Variants in F2R observed in about 807,000 individuals in gnomAD.
F2R encodes coagulation factor II thrombin receptor.
F2R carries 12 observed loss-of-function variants against 18.3 expected under a neutral mutation model. The observed-to-expected ratio is 0.66, with a 90% confidence interval of 0.42 to 1.06. The LOEUF is 1.06. Ranked by LOEUF, F2R falls within the 50% of genes least tolerant of loss-of-function variation. The pLI is 0.00. For synonymous variants in F2R, 210 were observed against 219.9 expected, an observed-to-expected ratio of 0.95 and a Z score of 0.40; for missense variants, 438 against 530.8, an observed-to-expected ratio of 0.83 and a Z score of 1.72.
intron 1 of F2R, among the ~76,000 whole-genome samples, chr5:76,727,230 A>G (rs1748576925): frequency 6.6e-6 from 1 of 152,242 alleles, no homozygotes; most frequent in African/African-American, 2.4e-5. Context: ...TATGGTTTCC[A>G]AAGTGAATGT....
chr5:76,730,372 T>A (rs1213518239), intron 1 of F2R, among the ~76,000 whole-genome samples: 2 of 152,348 alleles, frequency 1.3e-5, no homozygotes, highest in Non-Finnish European at 2.9e-5. Context: ...CCCTGAACTC[T>A]GTCCTCTGGT....
chr5:76,718,818 G>A (rs1748389175), intron 1 of F2R, among the ~76,000 whole-genome samples: 2 of 152,176 alleles, frequency 1.3e-5, no homozygotes, highest in South Asian at 2.1e-4. Context: ...GGCTCTAGAG[G>A]GTTAAAGTGT....
At chr5:76,726,536 CAA>C (rs1285539395) in intron 1 of F2R, among the ~76,000 whole-genome samples, 11 of 123,438 alleles carry the variant, frequency 8.9e-5, no homozygotes, top group Admixed American at 1.7e-4. Context: ...GACTCTGTCT[CAA>C]AAAAAAAAAA....
At chr5:76,728,106 A>T (rs1404538559) in intron 1 of F2R, among the ~76,000 whole-genome samples, 1 of 152,116 alleles carries the variant, frequency 6.6e-6, no homozygotes, top group South Asian at 2.1e-4. Context: ...AGTGTATAAC[A>T]TAATGTTTTG....
intron 1 of F2R, among the ~76,000 whole-genome samples, chr5:76,728,721 C>T (rs992837490): frequency 1.0e-4 from 12 of 114,342 alleles, no homozygotes; most frequent in African/African-American, 3.3e-4. Context: ...GATGGGGTCT[C>T]GCTCTGTCGG....
chr5:76,726,253 C>T (rs1184079192), intron 1 of F2R, among the ~76,000 whole-genome samples: 4 of 151,934 alleles, frequency 2.6e-5, no homozygotes, highest in Non-Finnish European at 2.9e-5. Flanking sequence ...GCTGGGCAGC[C>T]GGGCGCGGTG....
chr5:76,721,433 G>T (rs1561627419), intron 1 of F2R, among the ~76,000 whole-genome samples: 1 of 152,120 alleles, frequency 6.6e-6, no homozygotes, highest in Non-Finnish European at 1.5e-5. Flanking sequence ...GTGGTACTTG[G>T]AGGAAGCCAC....
intron 1 of F2R, among the ~76,000 whole-genome samples, chr5:76,722,749 G>A (rs943830047): frequency 6.6e-6 from 1 of 152,084 alleles, no homozygotes; most frequent in Non-Finnish European, 1.5e-5. Flanking sequence ...TCAGGAGTTG[G>A]AGACCAGCTT....
chr5:76,725,356 A>G (rs956210292), intron 1 of F2R, among the ~76,000 whole-genome samples: 1 of 152,224 alleles, frequency 6.6e-6, no homozygotes, highest in Non-Finnish European at 1.5e-5. Context: ...ATTAAGTGAA[A>G]CTTAGCAAAT....
intron 1 of F2R, among the ~76,000 whole-genome samples, chr5:76,725,939 T>G (rs1748545183): frequency 6.6e-6 from 1 of 152,196 alleles, no homozygotes; most frequent in Non-Finnish European, 1.5e-5. Context: ...AGAGCTTAGT[T>G]GTATTTATTA....
chr5:76,729,516 C>T (rs577808655), intron 1 of F2R, among the ~76,000 whole-genome samples: 2 of 152,180 alleles, frequency 1.3e-5, no homozygotes, highest in Admixed American at 1.3e-4. Flanking sequence ...TGATACAGTC[C>T]CAGTTGTCTA....
chr5:76,716,241 G>T lies in F2R; in HGVS notation c.-67G>T. 1 of 1,244,046 alleles carries T rather than the reference G, an allele frequency of 8.0e-7. No individual in the cohort carries two copies. The highest frequency in any genetic ancestry group is 1.0e-6 in the Non-Finnish European group (1 of 969,670). 77.1% of individuals were successfully genotyped at this position (1,244,046 alleles called of 1,614,324 possible). A position where few individuals can be genotyped will look rare whatever the true frequency, so the allele number is the denominator to read the frequency against. On this transcript the variant is annotated 5_prime_UTR_variant, in exon 1 of 2. Transcript: ENST00000319211. ...TCCCCGACCCGCAGAAGTCAGGAGAGAGGGTGAAGCGGAGCAGCCCGAGGC... is the reference window on the plus strand; with the variant it reads ...TCCCCGACCCGCAGAAGTCAGGAGATAGGGTGAAGCGGAGCAGCCCGAGGC...
Position 76,733,787 on chromosome 5 carries a change from G to A in F2R, c.*284G>A. The A allele has an allele frequency of 2.5e-6, 1 of 399,732 alleles. No homozygotes were observed. The allele number at this position is 399,732 out of a possible 1,614,324, so 24.8% of individuals were successfully genotyped here. On this transcript the variant is annotated 3_prime_UTR_variant, in exon 2 of 2. Coordinates refer to ENST00000319211, the MANE Select transcript of F2R (RefSeq NM_001992.5). ...CTAGGTGACATATACATACTTACATGTGTGTATATGTAGATGTATGCACAC... is the reference window on the plus strand; with the variant it reads ...CTAGGTGACATATACATACTTACATATGTGTATATGTAGATGTATGCACAC...
At chr5:76,721,342 A>G (rs1202631318) in intron 1 of F2R, among the ~76,000 whole-genome samples, 2 of 152,144 alleles carry the variant, frequency 1.3e-5, no homozygotes, top group East Asian at 3.8e-4. Flanking sequence ...CGTCATAAAT[A>G]GCTCTGTCTA....
At chr5:76,723,988 T>C (rs773102238) in intron 1 of F2R, among the ~76,000 whole-genome samples, 2 of 152,224 alleles carry the variant, frequency 1.3e-5, no homozygotes, top group African/African-American at 2.4e-5. Flanking sequence ...TAAGCATCCT[T>C]AGAGATTAGA....
intron 1 of F2R, among the ~76,000 whole-genome samples, chr5:76,731,837 T>C (rs530810333): frequency 4.9e-4 from 75 of 152,272 alleles, no homozygotes; most frequent in African/African-American, 1.7e-3. Flanking sequence ...CTAAATCCCC[T>C]CAACTTTCTA....
intron 1 of F2R, among the ~76,000 whole-genome samples, chr5:76,719,847 A>T (rs1444034203): frequency 6.6e-6 from 1 of 152,208 alleles, no homozygotes; most frequent in Non-Finnish European, 1.5e-5. Context: ...GTGAGCATTT[A>T]TGCACGGACT....
chr5:76,716,786 A>G, intron 1 of F2R: 1 of 535,042 alleles, frequency 1.9e-6, no homozygotes, highest in Middle Eastern at 2.7e-4. Flanking sequence ...TTTAAAATAT[A>G]AAGTGGCGAA....
rs191397769 is a variant in F2R at position 76,733,926 on chromosome 5, G to T, written c.*423G>T. ...CCCTGATTTAATATGCAAAGTCTAG[G>T]TTGGTAGAGTTTAGCCCTGAACATT... On this transcript the variant is annotated 3_prime_UTR_variant, in exon 2 of 2. Coordinates refer to ENST00000319211, the MANE Select transcript of F2R (RefSeq NM_001992.5). 46 of 170,568 alleles carry T rather than the reference G, an allele frequency of 2.7e-4. No individual in the cohort carries two copies. In the East Asian group the frequency reaches 7.6e-3, roughly 28 times the overall value. The allele number at this position is 170,568 out of a possible 1,614,324, so 10.6% of individuals were successfully genotyped here.
Sources: gnomAD v4.1 joint callset for allele counts (sites outside exome capture counted in the v4.1 genomes callset) on GRCh38, gnomAD v4.1.1 for gene constraint, MANE v1.5 for transcripts, NCBI Gene and HGNC (gene_info 2026-07-23, HGNC 2026-07-21) for gene names.